The following NELL1 variants were observed in gnomAD, a reference collection of about 807,000 sequenced individuals.
The protein encoded by NELL1 is protein kinase C-binding protein NELL1.
A neutral mutation model predicts 107.4 loss-of-function variants in NELL1; 76 were observed. The observed-to-expected ratio is 0.71, with a 90% CI of 0.59 to 0.86. NELL1 has a LOEUF of 0.86. Ranked by LOEUF, NELL1 falls within the 40% of genes least tolerant of loss-of-function variation. The probability of loss-of-function intolerance (pLI) is 0.00; values close to 1 mark genes in which losing one functional copy is unlikely to be tolerated. For missense variants in NELL1, 1,024 were observed against 1,005.5 expected (o/e 1.02, Z -0.25); for synonymous variants, 353 against 341.2 (o/e 1.03, Z -0.38).
chr11:21,452,425 T>G (rs1479027977), intron 15 of NELL1, among the ~76,000 whole-genome samples: 1 of 152,170 alleles, frequency 6.6e-6, no homozygotes, highest in African/African-American at 2.4e-5. Context: ...TGTAGCTATA[T>G]TCTTTCAAGG....
At chr11:20,743,674 T>A (rs1855941508) in intron 2 of NELL1, among the ~76,000 whole-genome samples, 1 of 152,194 alleles carries the variant, frequency 6.6e-6, no homozygotes, top group Non-Finnish European at 1.5e-5. Flanking sequence ...TGGCTTGTCC[T>A]CAGCTTCTGT....
intron 14 of NELL1, among the ~76,000 whole-genome samples, chr11:21,286,419 C>T (rs1849115058): frequency 6.6e-6 from 1 of 152,190 alleles, no homozygotes; most frequent in African/African-American, 2.4e-5. Flanking sequence ...TCTAGACGTG[C>T]ACCAAAGGCA....
chr11:21,091,271 G>C (rs1047923687), intron 12 of NELL1, among the ~76,000 whole-genome samples: 7 of 152,042 alleles, frequency 4.6e-5, no homozygotes, highest in South Asian at 4.2e-4. Context: ...AACATTTTTT[G>C]AGCATTATAA....
intron 14 of NELL1, among the ~76,000 whole-genome samples, chr11:21,324,977 C>T (rs1403608351): frequency 2.0e-5 from 3 of 152,066 alleles, no homozygotes; most frequent in Non-Finnish European, 4.4e-5. Context: ...CAACCTCCCC[C>T]CATCTTTGTT....
chr11:21,484,682 G>A (rs903042295), intron 15 of NELL1, among the ~76,000 whole-genome samples: 24 of 151,860 alleles, frequency 1.6e-4, no homozygotes, highest in African/African-American at 5.8e-4. Context: ...ATATATGTAT[G>A]AATAAATATA....
chr11:21,250,645 A>C (rs1032841361), intron 14 of NELL1, among the ~76,000 whole-genome samples: 1 of 152,236 alleles, frequency 6.6e-6, no homozygotes, highest in African/African-American at 2.4e-5. Flanking sequence ...AGATTAAACC[A>C]GTGACTCTAA....
intron 13 of NELL1, among the ~76,000 whole-genome samples, chr11:21,188,183 A>AT (rs754750429): frequency 6.6e-6 from 1 of 151,784 alleles, no homozygotes; most frequent in Non-Finnish European, 1.5e-5. Flanking sequence ...AAATGAATAC[A>AT]TTTTTTGCTT....
chr11:21,462,333 C>T (rs2133873808), intron 15 of NELL1, among the ~76,000 whole-genome samples: 1 of 152,178 alleles, frequency 6.6e-6, no homozygotes, highest in African/African-American at 2.4e-5. Context: ...TACCAATGGG[C>T]AGTGCTTGCT....
At chr11:21,229,219 G>A in intron 13 of NELL1, 113 bp from the exon 14 acceptor site, 1 of 1,220,120 alleles carries the variant, frequency 8.2e-7, no homozygotes, top group East Asian at 2.6e-5. Flanking sequence ...GTAAGGTACT[G>A]ACAAGTGGTA....
intron 12 of NELL1, among the ~76,000 whole-genome samples, chr11:21,096,754 T>C (rs528522491): frequency 2.6e-5 from 4 of 152,230 alleles, no homozygotes; most frequent in African/African-American, 9.6e-5. Context: ...TGATACGGGG[T>C]CTCACTCTGT....
At chr11:21,081,048 T>C (rs1029218453) in intron 12 of NELL1, among the ~76,000 whole-genome samples, 2 of 152,136 alleles carry the variant, frequency 1.3e-5, no homozygotes, top group African/African-American at 4.8e-5. Flanking sequence ...TTCTTAGAAT[T>C]GGCTCTGTAG....
At chr11:21,458,286 A>G (rs955752703) in intron 15 of NELL1, among the ~76,000 whole-genome samples, 16 of 152,260 alleles carry the variant, frequency 1.1e-4, no homozygotes, top group African/African-American at 3.6e-4. Flanking sequence ...AATTGGTATA[A>G]TCTTTCTGAA....
intron 15 of NELL1, among the ~76,000 whole-genome samples, chr11:21,416,856 A>G (rs921008577): frequency 6.6e-6 from 1 of 152,116 alleles, no homozygotes; most frequent in Admixed American, 6.6e-5. Context: ...TATTTAGTTG[A>G]GTCAGGAAAA....
At position 20,918,403 on chromosome 11, in the gene NELL1, A is replaced by T. The variant is rs115422788; in HGVS notation, c.676+149A>T. ...AAAGAGAACTTATTATCTACATTATATAATTCTGTGTCTTTAAAAAAATAT... is the reference window on the plus strand; with the variant it reads ...AAAGAGAACTTATTATCTACATTATTTAATTCTGTGTCTTTAAAAAAATAT... On this transcript the variant is annotated intron_variant, in intron 6 of 19. Transcript: ENST00000357134. 1.4e-3 allele frequency: 826 copies of T among 582,980 alleles called. 7 individuals carry two copies. In the African/African-American group the frequency reaches 0.015, roughly 10 times the overall value. 36.1% of individuals were successfully genotyped at this position (582,980 alleles called of 1,614,324 possible). A position where few individuals can be genotyped will look rare whatever the true frequency, so the allele number is the denominator to read the frequency against.
At chr11:21,077,346 A>C (rs1203235051) in intron 12 of NELL1, among the ~76,000 whole-genome samples, 1 of 152,234 alleles carries the variant, frequency 6.6e-6, no homozygotes, top group Non-Finnish European at 1.5e-5. Flanking sequence ...AAGAGATATC[A>C]GAATGCTATA....
intron 15 of NELL1, among the ~76,000 whole-genome samples, chr11:21,371,906 T>G (rs1028191486): frequency 2.8e-4 from 43 of 152,180 alleles, no homozygotes; most frequent in African/African-American, 8.9e-4. Context: ...TAACATTTTT[T>G]TATGTGCCCA....
intron 3 of NELL1, among the ~76,000 whole-genome samples, chr11:20,835,473 AT>A (rs1013624134): frequency 1.3e-5 from 2 of 152,176 alleles, no homozygotes; most frequent in African/African-American, 2.4e-5. Flanking sequence ...TAAGTGAGTG[AT>A]TTTAATTTTG....
rs866904568 is a variant in NELL1 at position 20,823,502 on chromosome 11, G to C, written c.336-24081G>C. ...AGGGAGGGTCACATGGAAACATTGA[G>C]TCTTTTTCCACACATGCAGCCAAAT... On this transcript the variant is annotated intron_variant, in intron 3 of 19. Transcript: ENST00000357134. Among the ~76,000 whole-genome samples, 8 of 151,330 alleles carry C rather than the reference G, an allele frequency of 5.3e-5. 1 individual carries two copies. In the Middle Eastern group the frequency reaches 0.01, roughly 194 times the overall value.
intron 3 of NELL1, among the ~76,000 whole-genome samples, chr11:20,819,076 G>A (rs74612089): frequency 0.014 from 2,195 of 152,274 alleles, 63 homozygotes; most frequent in African/African-American, 0.05. Flanking sequence ...TTCTTAAACA[G>A]TATATTTTAC....
Sources: gnomAD v4.1 joint callset for allele counts (sites outside exome capture counted in the v4.1 genomes callset) on GRCh38, gnomAD v4.1.1 for gene constraint, MANE v1.5 for transcripts, NCBI Gene and HGNC (gene_info 2026-07-23, HGNC 2026-07-21) for gene names.